The following COL22A1 variants were observed in gnomAD, a reference collection of about 807,000 sequenced individuals.
The protein encoded by COL22A1 is collagen type XXII alpha 1 chain.
COL22A1 carries 221 observed loss-of-function variants against 248.9 expected under a neutral mutation model. The observed-to-expected ratio is 0.89, with a 90% CI of 0.80 to 0.99. COL22A1 has a LOEUF of 0.99. COL22A1 is among the 50% of genes least tolerant of loss of function. The pLI is 0.00. For synonymous variants in COL22A1, 891 were observed against 793.4 expected, an observed-to-expected ratio of 1.12 and a Z score of -2.07; for missense variants, 2,240 against 2,179.0, an observed-to-expected ratio of 1.03 and a Z score of -0.56.
chr8:138,814,170 C>T (rs1320785086), intron 7 of COL22A1, among the ~76,000 whole-genome samples: 4 of 152,216 alleles, frequency 2.6e-5, no homozygotes, highest in African/African-American at 9.6e-5. Flanking sequence ...TTGCACTCTG[C>T]AGCATCTAAC....
At chr8:138,797,571 A>C (rs574314184) in intron 11 of COL22A1, among the ~76,000 whole-genome samples, 1 of 152,174 alleles carries the variant, frequency 6.6e-6, no homozygotes, top group Non-Finnish European at 1.5e-5. Flanking sequence ...TTGTGTAAAC[A>C]TATCTTTGCA....
At chr8:138,903,641 C>T (rs7836870) in intron 1 of COL22A1, among the ~76,000 whole-genome samples, 90,426 of 151,976 alleles carry the variant, frequency 0.6, 28,779 homozygotes, top group East Asian at 0.84. Flanking sequence ...TTTTGTCTTC[C>T]AAGCCTCCCT....
chr8:138,737,106 C>T (rs1227950203), intron 23 of COL22A1, among the ~76,000 whole-genome samples: 1 of 152,206 alleles, frequency 6.6e-6, no homozygotes, highest in Non-Finnish European at 1.5e-5. Flanking sequence ...CACCAGGTCC[C>T]TGCAGAGCTG....
At chr8:138,876,670 G>T (rs915630899) in intron 3 of COL22A1, among the ~76,000 whole-genome samples, 1 of 152,196 alleles carries the variant, frequency 6.6e-6, no homozygotes, top group Non-Finnish European at 1.5e-5. Flanking sequence ...CACATCCCCA[G>T]GATCAGGCCC....
At position 138,883,236 on chromosome 8, in the gene COL22A1, C is replaced by T; in HGVS notation, c.-64G>A. On this transcript the variant is annotated 5_prime_UTR_variant, in exon 2 of 65. Transcript: ENST00000303045. ...GAAGAGACGCTGTTAGGGTCTACAG[C>T]AGCATGGCCTGTGTGGAGAAAGACA... 5.5e-6 allele frequency: 8 copies of T among 1,463,324 alleles called. No homozygotes were observed. The highest frequency in any genetic ancestry group is 7.5e-6 in the Non-Finnish European group (8 of 1,073,118). 90.6% of individuals were successfully genotyped at this position (1,463,324 alleles called of 1,614,324 possible). A position where few individuals can be genotyped will look rare whatever the true frequency, so the allele number is the denominator to read the frequency against.
At position 138,762,586 on chromosome 8, in the gene COL22A1, G is replaced by A. The variant is rs6994229; in HGVS notation, c.1804-120C>T. On this transcript the variant is annotated intron_variant, in intron 16 of 64. Coordinates refer to ENST00000303045, the MANE Select transcript of COL22A1 (RefSeq NM_152888.3). ...GGTGGGGAAAAGGTGCCAAACGCAC[G>A]TGCACACACACACACACACACACAA... 3.9e-3 allele frequency: 2,390 copies of A among 620,224 alleles called. 46 individuals carry two copies. The African/African-American group carries it at 0.039, about 10-fold the overall frequency. 38.4% of individuals were successfully genotyped at this position (620,224 alleles called of 1,614,324 possible). A position where few individuals can be genotyped will look rare whatever the true frequency, so the allele number is the denominator to read the frequency against.
At chr8:138,685,345 A>T (rs765832994) in intron 37 of COL22A1, 33 bp from the exon 38 acceptor site, 10 of 1,572,944 alleles carry the variant, frequency 6.4e-6, no homozygotes, top group Non-Finnish European at 8.7e-6. Context: ...CCCAGGGTCA[A>T]TTACACTCAG....
rs1832895937 is a variant in COL22A1 at position 138,755,171 on chromosome 8, G to C, written c.2017C>G (p.Pro673Ala). The C allele has an allele frequency of 3.1e-6, 5 of 1,614,006 alleles. No individual in the cohort carries two copies. ...GGACAACTTACCCGAGCTCCTGGAGGACCGGGGGCGCCTTGGTGACCTCTG... is the reference window on the plus strand; with the variant it reads ...GGACAACTTACCCGAGCTCCTGGAGCACCGGGGGCGCCTTGGTGACCTCTG... Reference protein sequence around the residue: ...GPRGHQGAPGPPGARGPIGPE... With the variant: ...GPRGHQGAPGAPGARGPIGPE... The change falls in exon 21 of 65, where the codon CCT becomes GCT. Residue 673 changes from proline to alanine, a missense_variant. By Grantham distance (27) the Pro-to-Ala change is conservative. Transcript: ENST00000303045.
intron 23 of COL22A1, among the ~76,000 whole-genome samples, chr8:138,736,590 G>T (rs1035301157): frequency 6.6e-6 from 1 of 152,092 alleles, no homozygotes; most frequent in Admixed American, 6.5e-5. Context: ...ATCTAGATGG[G>T]TGGGTGTCAG....
At chr8:138,817,521 C>A (rs1818771193) in intron 7 of COL22A1, among the ~76,000 whole-genome samples, 1 of 152,032 alleles carries the variant, frequency 6.6e-6, no homozygotes, top group Non-Finnish European at 1.5e-5. Context: ...TGATGAGGAC[C>A]CAGGGGGATA....
intron 23 of COL22A1, among the ~76,000 whole-genome samples, chr8:138,734,576 G>T (rs1399830284): frequency 6.6e-6 from 1 of 152,170 alleles, no homozygotes; most frequent in African/African-American, 2.4e-5. Flanking sequence ...CACTGTTGGT[G>T]GGAGTGTAAA....
At chr8:138,605,345 C>T (rs1188546057) in intron 58 of COL22A1, among the ~76,000 whole-genome samples, 2 of 152,330 alleles carry the variant, frequency 1.3e-5, no homozygotes, top group South Asian at 2.1e-4. Flanking sequence ...GCTGGACAAG[C>T]ACCCCACTCT....
intron 31 of COL22A1, among the ~76,000 whole-genome samples, chr8:138,700,735 A>G (rs1025847450): frequency 6.6e-6 from 1 of 152,186 alleles, no homozygotes; most frequent in Non-Finnish European, 1.5e-5. Flanking sequence ...CTGAAATCCC[A>G]GCACTTTGGG....
intron 7 of COL22A1, among the ~76,000 whole-genome samples, chr8:138,820,281 T>A (rs1416337128): frequency 6.6e-6 from 1 of 152,198 alleles, no homozygotes; most frequent in African/African-American, 2.4e-5. Flanking sequence ...TCATGTTTCC[T>A]GTTATTTCTC....
intron 12 of COL22A1, among the ~76,000 whole-genome samples, chr8:138,781,422 G>A (rs553855382): frequency 3.3e-5 from 5 of 152,254 alleles, no homozygotes; most frequent in South Asian, 2.1e-4. Context: ...TAGGATGCTC[G>A]GCTGCATCCC....
intron 30 of COL22A1, among the ~76,000 whole-genome samples, chr8:138,711,688 G>A (rs1322360749): frequency 6.6e-6 from 1 of 152,190 alleles, no homozygotes; most frequent in Non-Finnish European, 1.5e-5. Context: ...GAGGATGGGA[G>A]ACACTGCCTG....
intron 3 of COL22A1, among the ~76,000 whole-genome samples, chr8:138,855,000 T>C (rs1821915659): frequency 6.6e-6 from 1 of 151,544 alleles, no homozygotes; most frequent in Non-Finnish European, 1.5e-5. Flanking sequence ...TCTACTCAGA[T>C]AGCCAGCAGT....
chr8:138,676,758 T>C, intron 40 of COL22A1, 123 bp from the exon 41 acceptor site: 2 of 707,704 alleles, frequency 2.8e-6, no homozygotes, highest in South Asian at 1.9e-5. Flanking sequence ...CTGGCCTCCA[T>C]GGGCCATGCT....
intron 3 of COL22A1, among the ~76,000 whole-genome samples, chr8:138,852,025 G>T (rs1009864046): frequency 5.9e-5 from 9 of 152,102 alleles, no homozygotes; most frequent in African/African-American, 2.2e-4. Flanking sequence ...AGGGGGGATT[G>T]GAGGCAACTA....
Sources: allele counts gnomAD v4.1 joint callset (sites outside exome capture counted in the v4.1 genomes callset), GRCh38; gene constraint gnomAD v4.1.1; transcripts MANE v1.5; gene names NCBI Gene and HGNC (gene_info 2026-07-23, HGNC 2026-07-21).